RIPK2: variants seen among roughly 807,000 people sequenced by gnomAD.
The protein encoded by RIPK2 is receptor interacting serine/threonine kinase 2.
Under a neutral mutation model 60.9 loss-of-function variants are expected in RIPK2, and 38 were observed. The observed-to-expected ratio is 0.62, with a 90% CI of 0.48 to 0.82. The LOEUF (loss-of-function observed/expected upper bound fraction) is 0.82. Ranked by LOEUF, RIPK2 falls within the 40% of genes least tolerant of loss-of-function variation. The probability of loss-of-function intolerance (pLI) is 0.00; values close to 1 mark genes in which losing one functional copy is unlikely to be tolerated. For missense variants in RIPK2, 518 were observed against 647.0 expected (o/e 0.80, Z 2.16); for synonymous variants, 225 against 223.4 (o/e 1.01, Z -0.06).
rs773823848 is a variant in RIPK2 at position 89,765,416 on chromosome 8, C to T, written c.403C>T (p.Leu135=). ...TGAAATTGCCCTTGGTGTAAATTAC[C>T]TGCACAATATGACTCCTCCTTTACT... ...LHEIALGVNY[L]HNMTPPLLHH... Residue 135 remains leucine (L), a synonymous_variant, in exon 3 of 11, where the codon CTG becomes TTG. Transcript: ENST00000220751. The T allele has an allele frequency of 1.9e-6, 3 of 1,602,812 alleles. No homozygotes were observed. The South Asian group carries it at 3.3e-5, about 18-fold the overall frequency.
intron 9 of RIPK2, among the ~76,000 whole-genome samples, chr8:89,788,974 G>A (rs563826688): frequency 3.3e-4 from 50 of 152,262 alleles, no homozygotes; most frequent in Admixed American, 7.2e-4. Flanking sequence ...AGAGAAACTA[G>A]AAAGACAGAC....
At chr8:89,768,616 G>A (rs1227290488) in intron 3 of RIPK2, among the ~76,000 whole-genome samples, 1 of 151,518 alleles carries the variant, frequency 6.6e-6, no homozygotes, top group African/African-American at 2.4e-5. Context: ...TTGCTTAACT[G>A]CTTTTCTCAG....
chr8:89,762,752 A>T, intron 1 of RIPK2, 77 bp from the exon 2 acceptor site: 1 of 800,488 alleles, frequency 1.2e-6, no homozygotes, highest in Non-Finnish European at 1.8e-6. Context: ...ATGAAAAAAA[A>T]TCCAGGCTTA....
At chr8:89,782,627 A>G (rs1212917335) in intron 7 of RIPK2, among the ~76,000 whole-genome samples, 1 of 151,648 alleles carries the variant, frequency 6.6e-6, no homozygotes, top group African/African-American at 2.4e-5. Flanking sequence ...CAACATACCA[A>G]GACCCTGTCT....
intron 7 of RIPK2, among the ~76,000 whole-genome samples, chr8:89,781,565 G>A (rs1809501327): frequency 6.6e-6 from 1 of 151,560 alleles, no homozygotes; most frequent in South Asian, 2.1e-4. Context: ...TTCCACTCAG[G>A]ATTGTTCTTT....
chr8:89,782,128 G>A (rs1809511208), intron 7 of RIPK2, among the ~76,000 whole-genome samples: 1 of 151,992 alleles, frequency 6.6e-6, no homozygotes, highest in African/African-American at 2.4e-5. Flanking sequence ...GTGACAGAGT[G>A]AGACCCTGTC....
At position 89,757,984 on chromosome 8, in the gene RIPK2, GCC is replaced by G. The variant is rs985012093; in HGVS notation, c.-76_-75del. 2 of 1,454,352 alleles carry G rather than the reference GCC, an allele frequency of 1.4e-6. No homozygotes were observed. Among genetic ancestry groups the G allele is most frequent in the African/African-American group, 2.9e-5 (2 of 69,620 alleles). 90.1% of individuals were successfully genotyped at this position (1,454,352 alleles called of 1,614,324 possible). A position where few individuals can be genotyped will look rare whatever the true frequency, so the allele number is the denominator to read the frequency against. ...CGCTCGTGCAGGGGCGTATCTGGGCGCCTGAGCGCGGCGTGGGAGCCTTGGGA... is the reference window on the plus strand; with the variant it reads ...CGCTCGTGCAGGGGCGTATCTGGGCGTGAGCGCGGCGTGGGAGCCTTGGGA... On this transcript the variant is annotated 5_prime_UTR_variant, in exon 1 of 11. Coordinates refer to ENST00000220751, the MANE Select transcript of RIPK2 (RefSeq NM_003821.6).
intron 6 of RIPK2, among the ~76,000 whole-genome samples, chr8:89,777,384 G>A (rs1462234697): frequency 1.3e-5 from 2 of 152,284 alleles, no homozygotes; most frequent in East Asian, 3.9e-4. Flanking sequence ...TGGAAAGAAA[G>A]AAACAAAATG....
intron 3 of RIPK2, among the ~76,000 whole-genome samples, chr8:89,765,755 C>CT (rs903487355): frequency 5.5e-4 from 81 of 147,242 alleles, no homozygotes; most frequent in Admixed American, 1.6e-3. Flanking sequence ...TCAAGATCAC[C>CT]TTTTTTTTTT....
rs908556899 is a variant in RIPK2, at chr8:89,757,964, G to T, written c.-97G>T. On this transcript the variant is annotated 5_prime_UTR_variant, in exon 1 of 11. Transcript: ENST00000220751. ...AAAAAGGGTCTTGCCGGCCTCGCTC[G>T]TGCAGGGGCGTATCTGGGCGCCTGA... 8 of 1,435,950 alleles carry T rather than the reference G, an allele frequency of 5.6e-6. No homozygotes were observed. The highest frequency in any genetic ancestry group is 1.5e-5 in the African/African-American group (1 of 68,788). The allele number at this position is 1,435,950 out of a possible 1,614,324, so 89.0% of individuals were successfully genotyped here.
At chr8:89,759,584 C>G in intron 1 of RIPK2, 1 of 360,340 alleles carries the variant, frequency 2.8e-6, no homozygotes, top group Middle Eastern at 5.6e-4. Context: ...ATTTGGGACA[C>G]TTCTAGAGCT....
intron 9 of RIPK2, among the ~76,000 whole-genome samples, chr8:89,788,435 T>C (rs1809622052): frequency 6.6e-6 from 1 of 152,130 alleles, no homozygotes; most frequent in Non-Finnish European, 1.5e-5. Flanking sequence ...TTTGAGGTAC[T>C]AGGAGCACAC....
chr8:89,788,344 A>AT (rs1220396813), intron 9 of RIPK2, among the ~76,000 whole-genome samples: 22 of 149,444 alleles, frequency 1.5e-4, no homozygotes, highest in African/African-American at 4.9e-4. Context: ...TTCTATCTCA[A>AT]TTAAAAAAAA....
At chr8:89,761,830 A>G (rs1265747756) in intron 1 of RIPK2, among the ~76,000 whole-genome samples, 1 of 152,134 alleles carries the variant, frequency 6.6e-6, no homozygotes, top group Non-Finnish European at 1.5e-5. Flanking sequence ...TAAGACTGAG[A>G]TATGTCCCTA....
intron 3 of RIPK2, among the ~76,000 whole-genome samples, chr8:89,765,861 T>G (rs950801490): frequency 6.6e-6 from 1 of 151,796 alleles, no homozygotes; most frequent in Non-Finnish European, 1.5e-5. Context: ...CATTGTTATA[T>G]CACACATAAT....
At chr8:89,773,867 T>A (rs1229381791) in intron 6 of RIPK2, among the ~76,000 whole-genome samples, 1 of 152,202 alleles carries the variant, frequency 6.6e-6, no homozygotes, top group Admixed American at 6.6e-5. Context: ...TTAAAAAATT[T>A]ATAATCAGAC....
Position 89,762,812 on chromosome 8 carries a change from G to A in RIPK2, c.174-17G>A, listed in dbSNP as rs1411687066. Reference sequence around the variant, plus strand: ...ATTTTTTTATTACTTGAATAATTATGCATTTTTTTTTCTTAGTGAAAGAAA... The same window carrying A: ...ATTTTTTTATTACTTGAATAATTATACATTTTTTTTTCTTAGTGAAAGAAA... On this transcript the variant is annotated splice_polypyrimidine_tract_variant and intron_variant, in intron 1 of 10. Transcript: ENST00000220751. The A allele has an allele frequency of 1.6e-6, 2 of 1,270,218 alleles. No individual in the cohort carries two copies. Among genetic ancestry groups the A allele is most frequent in the East Asian group, 2.6e-5 (1 of 38,534 alleles). 78.7% of individuals were successfully genotyped at this position (1,270,218 alleles called of 1,614,324 possible).
chr8:89,775,918 G>A (rs942251069), intron 6 of RIPK2, among the ~76,000 whole-genome samples: 6 of 152,164 alleles, frequency 3.9e-5, no homozygotes, highest in African/African-American at 1.2e-4. Flanking sequence ...AGAAAAAGCC[G>A]AGGAAGAAAG....
At position 89,765,417 on chromosome 8, in the gene RIPK2, T is replaced by C. The variant is rs761133411; in HGVS notation, c.404T>C (p.Leu135Pro). 6.2e-7 allele frequency: 1 copy of C among 1,603,270 alleles called. No homozygotes were observed. ...GAAATTGCCCTTGGTGTAAATTACC[T>C]GCACAATATGACTCCTCCTTTACTT... ...LHEIALGVNYLHNMTPPLLHH... is the reference protein window; with the variant it reads ...LHEIALGVNYPHNMTPPLLHH... The change falls in exon 3 of 11, where the codon CTG (leucine) becomes CCG (proline). Residue 135 changes from leucine (L) to proline (P), a missense_variant. Leu to Pro is a moderately conservative substitution (Grantham distance 98, BLOSUM62 -3). Coordinates refer to ENST00000220751, the MANE Select transcript of RIPK2 (RefSeq NM_003821.6).
Sources: gnomAD v4.1 joint callset for allele counts (sites outside exome capture counted in the v4.1 genomes callset) on GRCh38, gnomAD v4.1.1 for gene constraint, MANE v1.5 for transcripts, NCBI Gene and HGNC (gene_info 2026-07-23, HGNC 2026-07-21) for gene names.